GTF2A1: variants seen among roughly 807,000 people sequenced by gnomAD.
GTF2A1 encodes the protein transcription initiation factor IIA subunit 1.
In GTF2A1, 12 loss-of-function variants were observed where a neutral mutation model predicts 54.1. That is an observed-to-expected ratio of 0.22 (90% confidence interval 0.14 to 0.36). The LOEUF is 0.36. GTF2A1 is among the 10% of genes least tolerant of loss of function. The probability of loss-of-function intolerance (pLI) is 1.00; values close to 1 mark genes in which losing one functional copy is unlikely to be tolerated. For synonymous variants in GTF2A1, 145 were observed against 152.0 expected, an observed-to-expected ratio of 0.95 and a Z score of 0.34; for missense variants, 335 against 442.2, an observed-to-expected ratio of 0.76 and a Z score of 2.17.
intron 4 of GTF2A1, among the ~76,000 whole-genome samples, chr14:81,198,447 C>T (rs1893035718): frequency 6.6e-6 from 1 of 152,128 alleles, no homozygotes; most frequent in Admixed American, 6.6e-5. Flanking sequence ...TTAGTTTCAA[C>T]ATTTTGAAAT....
In GTF2A1 at chr14:81,180,210, AAAAAGC is replaced by A. The variant is rs760195140; in HGVS notation, c.*7_*12del. Reference sequence around the variant, plus strand: ...TAAGTTTCTTTTATTTATAAAAGAAAAAAAGCAACTCTTCACCATTCTGCATCTCCA... The same window carrying A: ...TAAGTTTCTTTTATTTATAAAAGAAAAACTCTTCACCATTCTGCATCTCCA... On this transcript the variant is annotated 3_prime_UTR_variant, in exon 9 of 9. Coordinates refer to ENST00000553612, the MANE Select transcript of GTF2A1 (RefSeq NM_015859.4). 10 of 1,004,988 alleles carry A rather than the reference AAAAAGC, an allele frequency of 1.0e-5. No homozygotes were observed. Among genetic ancestry groups the A allele is most frequent in the African/African-American group, 1.6e-5 (1 of 61,004 alleles). 62.3% of individuals were successfully genotyped at this position (1,004,988 alleles called of 1,614,324 possible).
intron 2 of GTF2A1, among the ~76,000 whole-genome samples, chr14:81,211,362 C>T (rs975372157): frequency 1.1e-4 from 17 of 152,312 alleles, no homozygotes; most frequent in Non-Finnish European, 2.2e-4. Flanking sequence ...TCACCAACAA[C>T]CCAAGATCTA....
At chr14:81,217,973 C>T (rs1893522350) in intron 1 of GTF2A1, among the ~76,000 whole-genome samples, 1 of 152,128 alleles carries the variant, frequency 6.6e-6, no homozygotes, top group Non-Finnish European at 1.5e-5. Context: ...CTGTAAAATG[C>T]ACATTTCTAT....
At chr14:81,208,015 A>AT (rs1566859697) in intron 2 of GTF2A1, among the ~76,000 whole-genome samples, 2 of 150,544 alleles carry the variant, frequency 1.3e-5, no homozygotes, top group African/African-American at 2.5e-5. Context: ...AGAAAAAGCC[A>AT]TTTTTTGAGG....
At chr14:81,189,527 C>T (rs773224953) in intron 7 of GTF2A1, among the ~76,000 whole-genome samples, 3 of 152,096 alleles carry the variant, frequency 2.0e-5, no homozygotes, top group Non-Finnish European at 2.9e-5. Context: ...AAAAATTAGC[C>T]GGGCGAGGTG....
At chr14:81,210,919 T>G (rs1308663493) in intron 2 of GTF2A1, among the ~76,000 whole-genome samples, 1 of 152,216 alleles carries the variant, frequency 6.6e-6, no homozygotes, top group Non-Finnish European at 1.5e-5. Flanking sequence ...GCCAGGTATC[T>G]GAAATTACAT....
At chr14:81,204,148 T>G (rs746043374) in intron 2 of GTF2A1, 44 bp from the exon 3 acceptor site, 1 of 1,225,904 alleles carries the variant, frequency 8.2e-7, no homozygotes, top group Non-Finnish European at 1.2e-6. Context: ...AAAATAACTC[T>G]GGACAGATGA....
intron 2 of GTF2A1, among the ~76,000 whole-genome samples, chr14:81,211,875 TTATATATATATATATATATATATA>T (rs757044041): frequency 2.9e-5 from 2 of 68,488 alleles, no homozygotes; most frequent in African/African-American, 5.1e-5. Context: ...ATCAAGTACT[TTATATATATATATATATATATATA>T]TATATATATA....
At chr14:81,210,209 T>G (rs1893332648) in intron 2 of GTF2A1, among the ~76,000 whole-genome samples, 1 of 152,254 alleles carries the variant, frequency 6.6e-6, no homozygotes, top group South Asian at 2.1e-4. Flanking sequence ...ATACTGGTTC[T>G]AGGTAATGTA....
chr14:81,213,750 CCT>C (rs1893424654), intron 2 of GTF2A1, among the ~76,000 whole-genome samples: 2 of 152,082 alleles, frequency 1.3e-5, no homozygotes, highest in Non-Finnish European at 2.9e-5. Context: ...CTATTAGTAA[CCT>C]GTAATTTTTC....
chr14:81,215,330 C>T (rs992438548), intron 2 of GTF2A1, among the ~76,000 whole-genome samples: 1 of 152,198 alleles, frequency 6.6e-6, no homozygotes, highest in Admixed American at 6.5e-5. Flanking sequence ...TTTAACTGGT[C>T]ACTTTTCTCA....
rs779051418 is a variant in GTF2A1 at position 81,196,088 on chromosome 14, A to G, written c.612+20T>C. On this transcript the variant is annotated intron_variant, in intron 6 of 8. Coordinates refer to ENST00000553612, the MANE Select transcript of GTF2A1 (RefSeq NM_015859.4). ...AATAAAACAGAACCCCATACTGATCATAATAGAAGATTATTTTACCTGCTG... is the reference window on the plus strand; with the variant it reads ...AATAAAACAGAACCCCATACTGATCGTAATAGAAGATTATTTTACCTGCTG... 7 of 1,608,966 alleles carry G rather than the reference A, an allele frequency of 4.4e-6. No homozygotes were observed. In the African/African-American group the frequency reaches 5.3e-5, roughly 12 times the overall value.
chr14:81,188,387 C>CAAACAA (rs979241569), intron 7 of GTF2A1, among the ~76,000 whole-genome samples: 10 of 151,896 alleles, frequency 6.6e-5, no homozygotes, highest in Admixed American at 2.0e-4. Context: ...GATTCTGTCT[C>CAAACAA]AAACAAAAAC....
chr14:81,220,802 G>T lies in GTF2A1; in HGVS notation c.-284C>A. On this transcript the variant is annotated 5_prime_UTR_variant, in exon 1 of 9. Coordinates refer to ENST00000553612, the MANE Select transcript of GTF2A1 (RefSeq NM_015859.4). ...GGGCGTTGCCCGCTCCCCACCCCGCGCCAAGGAGGGAAACCACCACCGGTC... is the reference window on the plus strand; with the variant it reads ...GGGCGTTGCCCGCTCCCCACCCCGCTCCAAGGAGGGAAACCACCACCGGTC... 2.9e-6 allele frequency: 1 copy of T among 339,646 alleles called. No homozygotes were observed. The highest frequency in any genetic ancestry group is 5.3e-6 in the Non-Finnish European group (1 of 188,386). 21.0% of individuals were successfully genotyped at this position (339,646 alleles called of 1,614,324 possible).
intron 8 of GTF2A1, among the ~76,000 whole-genome samples, chr14:81,182,912 A>G (rs1273971187): frequency 1.1e-4 from 16 of 152,148 alleles, no homozygotes; most frequent in Admixed American, 1.0e-3. Context: ...TGACAGGGCT[A>G]ACTCTTTCCA....
intron 8 of GTF2A1, among the ~76,000 whole-genome samples, chr14:81,182,083 C>T (rs1207759042): frequency 6.6e-6 from 1 of 151,928 alleles, no homozygotes; most frequent in Non-Finnish European, 1.5e-5. Flanking sequence ...TTGATCCTAG[C>T]TCTGCTTTTT....
At chr14:81,204,148 T>A in intron 2 of GTF2A1, 44 bp from the exon 3 acceptor site, 1 of 1,225,904 alleles carries the variant, frequency 8.2e-7, no homozygotes, top group Non-Finnish European at 1.2e-6. Flanking sequence ...AAAATAACTC[T>A]GGACAGATGA....
At chr14:81,189,052 A>G (rs2140151124) in intron 7 of GTF2A1, among the ~76,000 whole-genome samples, 1 of 152,346 alleles carries the variant, frequency 6.6e-6, no homozygotes, top group Admixed American at 6.5e-5. Flanking sequence ...CTATTTTAAA[A>G]AGATTAAGTT....
intron 6 of GTF2A1, among the ~76,000 whole-genome samples, chr14:81,195,907 G>T (rs1008423570): frequency 1.3e-5 from 2 of 152,132 alleles, no homozygotes; most frequent in Non-Finnish European, 2.9e-5. Context: ...TGAAGGATGG[G>T]CAGAGACAAC....
Sources: gnomAD v4.1 joint callset for allele counts (sites outside exome capture counted in the v4.1 genomes callset) on GRCh38, gnomAD v4.1.1 for gene constraint, MANE v1.5 for transcripts, NCBI Gene and HGNC (gene_info 2026-07-23, HGNC 2026-07-21) for gene names.